The following SLC35B3 variants were observed in gnomAD, a reference collection of about 807,000 sequenced individuals.
SLC35B3 encodes solute carrier family 35 member B3.
SLC35B3 carries 35 observed loss-of-function variants against 44.1 expected under a neutral mutation model. The observed-to-expected ratio is 0.79, with a 90% CI of 0.61 to 1.05. The LOEUF (loss-of-function observed/expected upper bound fraction) is 1.05. Among genes scored for constraint, SLC35B3 ranks in the 50% least tolerant of loss-of-function variants. The pLI, the probability that SLC35B3 is intolerant of heterozygous loss-of-function variation, is 0.00. For synonymous variants in SLC35B3, 146 were observed against 167.3 expected (o/e 0.87, Z 0.98); for missense variants, 414 against 476.4 (o/e 0.87, Z 1.22).
intron 8 of SLC35B3, 145 bp downstream of exon 7, chr6:8,417,257 T>G: frequency 1.6e-6 from 1 of 635,512 alleles, no homozygotes; most frequent in South Asian, 2.0e-5. Flanking sequence ...GTCATTTCAT[T>G]TCTGAAATTA....
chr6:8,417,371 ATT>A (rs750236612), intron 8 of SLC35B3, 29 bp downstream of exon 7: 15 of 1,161,688 alleles, frequency 1.3e-5, no homozygotes, highest in East Asian at 5.5e-5. Flanking sequence ...TTAACAGAAG[ATT>A]TTTTTTTTTA....
rs772728080 is a variant in SLC35B3, at chr6:8,422,500, G to GA, written c.543dup (p.Pro182SerfsTer15). 6.2e-7 allele frequency: 1 copy of GA among 1,613,348 alleles called. No individual in the cohort carries two copies. Among genetic ancestry groups the GA allele is most frequent in the African/African-American group, 1.3e-5 (1 of 75,002 alleles). ...ATAAAAACTCCTCCTAGCATAACAGGAATCAATTTGCAGCACTTGAAGATG... is the reference window on the plus strand; with the variant it reads ...ATAAAAACTCCTCCTAGCATAACAGGAAATCAATTTGCAGCACTTGAAGATG... On this transcript the variant is annotated frameshift_variant, in exon 5 of 11. Transcript: ENST00000644923. LOFTEE classifies it high-confidence loss of function.
At position 8,433,901 on chromosome 6, in the gene SLC35B3, TAA is replaced by T. The variant is rs3032674; in HGVS notation, c.3+482_3+483del. Among the ~76,000 whole-genome samples, 2 of 147,446 alleles carry T rather than the reference TAA, an allele frequency of 1.4e-5. No individual in the cohort carries two copies. Among genetic ancestry groups the T allele is most frequent in the Admixed American group, 6.8e-5 (1 of 14,806 alleles). ...TTAATGACTGATACTAACCATCATCTAAAAAAAAAAATGGGCCAAACTCCTTG... is the reference window on the plus strand; with the variant it reads ...TTAATGACTGATACTAACCATCATCTAAAAAAAAATGGGCCAAACTCCTTG... On this transcript the variant is annotated intron_variant, in intron 2 of 10. Transcript: ENST00000644923. The surrounding 1 kb of genome is among the most constrained non-coding windows in gnomAD (Gnocchi z 4.1).
chr6:8,429,910 CAT>C lies in SLC35B3; in HGVS notation c.249_250del (p.Ile83MetfsTer26), dbSNP rs1561763394. 1.2e-6 allele frequency: 2 copies of C among 1,608,314 alleles called. No individual in the cohort carries two copies. The highest frequency in any genetic ancestry group is 2.7e-5 in the African/African-American group (2 of 74,864). On this transcript the variant is annotated frameshift_variant, in exon 3 of 11. Coordinates refer to ENST00000644923, the MANE Select transcript of SLC35B3 (RefSeq NM_001370476.2). LOFTEE classifies it high-confidence loss of function. Reference sequence around the variant, plus strand: ...GTAAAATACAAAAACTCCAGCAACACATATGAAAAACTGAGTAAGTTTGTTAA... The same window carrying C: ...GTAAAATACAAAAACTCCAGCAACACATGAAAAACTGAGTAAGTTTGTTAA...
rs1352887407 is a variant in SLC35B3 at position 8,412,499 on chromosome 6, T to C, written c.*1050A>G. Among the ~76,000 whole-genome samples, 3 of 152,208 alleles carry C rather than the reference T, an allele frequency of 2.0e-5. No individual in the cohort carries two copies. Among genetic ancestry groups the C allele is most frequent in the African/African-American group, 7.2e-5 (3 of 41,454 alleles). On this transcript the variant is annotated 3_prime_UTR_variant, in exon 11 of 11. Coordinates refer to ENST00000644923, the MANE Select transcript of SLC35B3 (RefSeq NM_001370476.2). ...CCAATCATGATTCCTTTGGGATTACTTGGGCAAACTGTAGCAAATTTTTCT... is the reference window on the plus strand; with the variant it reads ...CCAATCATGATTCCTTTGGGATTACCTGGGCAAACTGTAGCAAATTTTTCT...
intron 4 of SLC35B3, among the ~76,000 whole-genome samples, chr6:8,426,943 T>C (rs1232623420): frequency 6.6e-6 from 1 of 152,186 alleles, no homozygotes; most frequent in African/African-American, 2.4e-5. Flanking sequence ...TGTTGGGAAC[T>C]AGAGCAAAGG....
rs776584724 is a variant in SLC35B3 at position 8,434,335 on chromosome 6, AT to A, written c.3+49del. 47 of 1,574,032 alleles carry A rather than the reference AT, an allele frequency of 3.0e-5. No individual in the cohort carries two copies. In the Middle Eastern group the frequency reaches 6.7e-4, roughly 22 times the overall value. ...GGTGTCATTAACCTGAAAAAACGTG[AT>A]TTTAACTATACTTTGCCACACTCAA... On this transcript the variant is annotated intron_variant, in intron 2 of 10. Transcript: ENST00000644923. The surrounding 1 kb of genome is among the most constrained non-coding windows in gnomAD (Gnocchi z 6.3).
rs748957006 is a variant in SLC35B3 at position 8,435,424 on chromosome 6, G to T, written c.-125C>A. The T allele has an allele frequency of 1.6e-6, 2 of 1,281,840 alleles. No homozygotes were observed. Among genetic ancestry groups the T allele is most frequent in the Middle Eastern group, 2.8e-4 (1 of 3,552 alleles). The allele number at this position is 1,281,840 out of a possible 1,614,324, so 79.4% of individuals were successfully genotyped here. ...AGACGGAGCATCTCCCCCTCCCCTG[G>T]TCCGTCGCCATCACCTCCTCTTCCT... On this transcript the variant is annotated 5_prime_UTR_variant, in exon 1 of 11. Coordinates refer to ENST00000644923, the MANE Select transcript of SLC35B3 (RefSeq NM_001370476.2). This position sits in a 1 kb window ranked among gnomAD's most constrained non-coding sequence, Gnocchi z 5.5.
At chr6:8,428,437 G>C (rs940143452) in intron 3 of SLC35B3, among the ~76,000 whole-genome samples, 5 of 152,096 alleles carry the variant, frequency 3.3e-5, no homozygotes, top group Non-Finnish European at 5.9e-5. Flanking sequence ...TAAATGAAGT[G>C]TATGTATGAA....
At chr6:8,428,256 C>A (rs939690840) in intron 3 of SLC35B3, among the ~76,000 whole-genome samples, 198 bp from the exon 3 acceptor site, 1 of 152,082 alleles carries the variant, frequency 6.6e-6, no homozygotes, top group African/African-American at 2.4e-5. Context: ...ATGATATAAA[C>A]CTTCTTCTTT....
chr6:8,422,433 TA>T (rs1477862343), intron 5 of SLC35B3, 36 bp downstream of exon 4: 2 of 1,467,548 alleles, frequency 1.4e-6, no homozygotes, highest in Non-Finnish European at 1.9e-6. Context: ...CATAGCCTAT[TA>T]GTTTTAAATA....
intron 2 of SLC35B3, among the ~76,000 whole-genome samples, chr6:8,431,609 T>C (rs555475128): frequency 6.6e-6 from 1 of 152,342 alleles, no homozygotes; most frequent in East Asian, 1.9e-4. Flanking sequence ...TTCTTCACTT[T>C]CCTTTGTTCT....
chr6:8,427,206 G>A (rs1763501975), intron 4 of SLC35B3, among the ~76,000 whole-genome samples: 2 of 152,310 alleles, frequency 1.3e-5, no homozygotes, highest in Non-Finnish European at 1.5e-5. Flanking sequence ...TTCAAGCTGG[G>A]TGCAGAAATT....
intron 4 of SLC35B3, among the ~76,000 whole-genome samples, chr6:8,427,692 G>A (rs991622615): frequency 6.6e-6 from 1 of 152,036 alleles, no homozygotes; most frequent in Non-Finnish European, 1.5e-5. Flanking sequence ...TTATCATGTT[G>A]TAAGAACATA....
At position 8,412,462 on chromosome 6, in the gene SLC35B3, A is replaced by G. The variant is rs1762086508; in HGVS notation, c.*1087T>C. 6.6e-6 allele frequency among the ~76,000 whole-genome samples: 1 copy of G among 152,178 alleles called. No individual in the cohort carries two copies. Among genetic ancestry groups the G allele is most frequent in the Non-Finnish European group, 1.5e-5 (1 of 68,024 alleles). ...TGAGACATCAATTACTTTTTCTTCA[A>G]TTAAAAAAAATCCAATCATGATTCC... On this transcript the variant is annotated 3_prime_UTR_variant, in exon 11 of 11. Coordinates refer to ENST00000644923, the MANE Select transcript of SLC35B3 (RefSeq NM_001370476.2).
chr6:8,435,076 C>A lies in SLC35B3; in HGVS notation c.-44+267G>T. The A allele has an allele frequency of 8.2e-7, 1 of 1,220,956 alleles. No homozygotes were observed. Among genetic ancestry groups the A allele is most frequent in the East Asian group, 5.7e-5 (1 of 17,604 alleles). The allele number at this position is 1,220,956 out of a possible 1,614,324, so 75.6% of individuals were successfully genotyped here. On this transcript the variant is annotated intron_variant, in intron 1 of 10. Coordinates refer to ENST00000644923, the MANE Select transcript of SLC35B3 (RefSeq NM_001370476.2). The surrounding 1 kb of genome is among the most constrained non-coding windows in gnomAD (Gnocchi z 5.5). Reference sequence around the variant, plus strand: ...TAAAAGACCCCTTGAGGTCACCTCACCCCTGCGAGTCCACGGATTGGGACC... The same window carrying A: ...TAAAAGACCCCTTGAGGTCACCTCAACCCTGCGAGTCCACGGATTGGGACC...
In SLC35B3 at chr6:8,434,247, T is replaced by C; in HGVS notation, c.3+138A>G. Reference sequence around the variant, plus strand: ...ATTATTTCAGTTTATTTTTGAGTTTTCCGACCTGAAGGACAAAAGTCCCAC... The same window carrying C: ...ATTATTTCAGTTTATTTTTGAGTTTCCCGACCTGAAGGACAAAAGTCCCAC... On this transcript the variant is annotated intron_variant, in intron 2 of 10. Coordinates refer to ENST00000644923, the MANE Select transcript of SLC35B3 (RefSeq NM_001370476.2). The surrounding 1 kb of genome is among the most constrained non-coding windows in gnomAD (Gnocchi z 6.3). 1.4e-6 allele frequency: 1 copy of C among 716,162 alleles called. No homozygotes were observed. The highest frequency in any genetic ancestry group is 2.4e-6 in the Non-Finnish European group (1 of 415,996). The allele number at this position is 716,162 out of a possible 1,614,324, so 44.4% of individuals were successfully genotyped here.
Position 8,430,048 on chromosome 6 carries a change from T to C in SLC35B3, c.113A>G (p.Asn38Ser), listed in dbSNP as rs1321577231. The C allele has an allele frequency of 1.9e-6, 3 of 1,614,074 alleles. No individual in the cohort carries two copies. Among genetic ancestry groups the C allele is most frequent in the African/African-American group, 1.3e-5 (1 of 75,054 alleles). The change falls in exon 3 of 11, where the codon AAC becomes AGC. Residue 38 changes from asparagine (N) to serine (S), a missense_variant. Asn to Ser is a conservative substitution (Grantham distance 46). Coordinates refer to ENST00000644923, the MANE Select transcript of SLC35B3 (RefSeq NM_001370476.2). ...GATAGAAATATATTTCCTGGAATTG[T>C]TGAACTTGAGATCCATTGTTATTTT...
intron 10 of SLC35B3, 109 bp downstream of exon 9, chr6:8,414,799 C>A: frequency 1.9e-6 from 1 of 519,478 alleles, no homozygotes; most frequent in Non-Finnish European, 3.3e-6. Flanking sequence ...AAAATAAATA[C>A]ACTTACTACA....
Sources: gnomAD v4.1 joint callset for allele counts (sites outside exome capture counted in the v4.1 genomes callset) on GRCh38, gnomAD v4.1.1 for gene constraint, Gnocchi (gnomAD v3.1) non-coding constraint, MANE v1.5 for transcripts, NCBI Gene and HGNC (gene_info 2026-07-23, HGNC 2026-07-21) for gene names.